Variants in CUL3 observed in about 807,000 individuals in gnomAD.
The protein encoded by CUL3 is cullin-3.
CUL3 carries 19 observed loss-of-function variants against 89.1 expected under a neutral mutation model. The observed-to-expected ratio is 0.21, with a 90% CI of 0.15 to 0.31. The LOEUF (loss-of-function observed/expected upper bound fraction) is 0.31, where lower values mean the gene tolerates loss of function less well. Ranked by LOEUF, CUL3 falls within the 10% of genes least tolerant of loss-of-function variation. The pLI is 1.00. For missense variants in CUL3, 469 were observed against 942.3 expected (o/e 0.50, Z 6.58); for synonymous variants, 351 against 308.4 (o/e 1.14, Z -1.45).
intron 6 of CUL3, 56 bp from the exon 7 acceptor site, chr2:224,507,059 ATC>A: frequency 6.5e-7 from 1 of 1,531,998 alleles, no homozygotes; most frequent in Non-Finnish European, 8.9e-7. Context: ...AAAAACACGA[ATC>A]TCTGTTCACG....
intron 3 of CUL3, among the ~76,000 whole-genome samples, chr2:224,519,138 T>C (rs1301672849): frequency 6.6e-6 from 1 of 152,218 alleles, no homozygotes; most frequent in Non-Finnish European, 1.5e-5. Flanking sequence ...CACAAGTAAA[T>C]TCCACAACTG....
rs1284026173 is a variant in CUL3, at chr2:224,511,554, T to C, written c.683A>G (p.Asn228Ser). 6.3e-7 allele frequency: 1 copy of C among 1,586,094 alleles called. No homozygotes were observed. The highest frequency in any genetic ancestry group is 8.5e-7 in the Non-Finnish European group (1 of 1,169,768). The change falls in exon 6 of 16, where the codon AAT becomes AGT. Residue 228 changes from asparagine (N) to serine (S), a missense_variant. This residue lies in a region of CUL3 where 370 missense variants were observed against 733.2 expected (regional missense o/e 0.50). Transcript: ENST00000264414. Reference sequence around the variant, plus strand: ...TTTCTTTATATATACTGAAGCACTATTTTCTGCTAAAAATTTCTGGCTTTC... The same window carrying C: ...TTTCTTTATATATACTGAAGCACTACTTTCTGCTAAAAATTTCTGGCTTTC... ...QMESQKFLAENSASVYIKKVE... is the reference protein window; with the variant it reads ...QMESQKFLAESSASVYIKKVE...
chr2:224,550,704 T>G (rs1694481084), intron 2 of CUL3, among the ~76,000 whole-genome samples: 1 of 152,200 alleles, frequency 6.6e-6, no homozygotes, highest in Non-Finnish European at 1.5e-5. Flanking sequence ...ACGTTCTTTC[T>G]ACATCCAAAA....
chr2:224,582,328 G>A (rs1406065857), intron 1 of CUL3, among the ~76,000 whole-genome samples: 2 of 152,164 alleles, frequency 1.3e-5, no homozygotes, highest in African/African-American at 4.8e-5. Context: ...CACGCAGTCT[G>A]TAGTTATGAA....
chr2:224,496,051 T>G, intron 12 of CUL3, 85 bp from the exon 13 acceptor site: 13 of 1,420,216 alleles, frequency 9.2e-6, no homozygotes, highest in Non-Finnish European at 1.3e-5. Context: ...ATATGTATGT[T>G]ACAGGGTCTC....
chr2:224,535,382 C>T (rs943395948), intron 3 of CUL3, 146 bp downstream of exon 3: 11 of 495,384 alleles, frequency 2.2e-5, no homozygotes, highest in East Asian at 1.5e-4. Context: ...GCTGGCCAGG[C>T]TGGTCTCAAT....
At chr2:224,500,750 C>T (rs2106190169) in intron 10 of CUL3, among the ~76,000 whole-genome samples, 1 of 151,704 alleles carries the variant, frequency 6.6e-6, no homozygotes, top group Non-Finnish European at 1.5e-5. Flanking sequence ...CTCAGCTTCC[C>T]GAGTAGCTGG....
In CUL3 at chr2:224,505,962, G is replaced by C. The variant is rs775829845; in HGVS notation, c.1200C>G (p.Val400=). The C allele has an allele frequency of 2.5e-6, 4 of 1,581,808 alleles. No individual in the cohort carries two copies. Among genetic ancestry groups the C allele is most frequent in the Non-Finnish European group, 2.6e-6 (3 of 1,162,140 alleles). Residue 400 remains valine, a synonymous_variant, in exon 8 of 16, where the codon GTC becomes GTG. Transcript: ENST00000264414. ...LFIDDKLKKG[V]KGLTEQEVET... is the part of the protein sequence containing the mutation. Reference sequence around the variant, plus strand: ...CAAATGCATTACTACTTACCCCTTTGACTCCCTTTTTCAGCTTATCATCAA... The same window carrying C: ...CAAATGCATTACTACTTACCCCTTTCACTCCCTTTTTCAGCTTATCATCAA...
chr2:224,579,676 T>C (rs942656639), intron 1 of CUL3, among the ~76,000 whole-genome samples: 4 of 152,154 alleles, frequency 2.6e-5, no homozygotes, highest in African/African-American at 9.7e-5. Flanking sequence ...AGTGGGCATT[T>C]TATCATAACA....
At chr2:224,518,416 T>A (rs2106231806) in intron 3 of CUL3, among the ~76,000 whole-genome samples, 1 of 152,328 alleles carries the variant, frequency 6.6e-6, no homozygotes, top group African/African-American at 2.4e-5. Context: ...CTATTACAAA[T>A]AAGGTGGCTA....
intron 1 of CUL3, among the ~76,000 whole-genome samples, chr2:224,567,271 G>A (rs553440352): frequency 1.3e-5 from 2 of 152,316 alleles, no homozygotes; most frequent in East Asian, 1.9e-4. Context: ...AGGCTGGAGT[G>A]CAGAGGTGCA....
intron 13 of CUL3, among the ~76,000 whole-genome samples, chr2:224,491,759 A>C (rs1349155106): frequency 6.6e-6 from 1 of 152,160 alleles, no homozygotes; most frequent in Non-Finnish European, 1.5e-5. Context: ...TGAGTCCCCC[A>C]CTTTTATAAG....
chr2:224,517,212 T>C (rs554415825), intron 3 of CUL3, among the ~76,000 whole-genome samples: 8 of 152,186 alleles, frequency 5.3e-5, no homozygotes, highest in Non-Finnish European at 8.8e-5. Context: ...TTTTAACCAA[T>C]GTGATCAAAA....
rs568288903 is a variant in CUL3 at position 224,525,193 on chromosome 2, A to C, written c.378+10335T>G. 3.9e-5 allele frequency among the ~76,000 whole-genome samples: 6 copies of C among 152,356 alleles called. No homozygotes were observed. In the South Asian group the frequency reaches 6.2e-4, roughly 16 times the overall value. On this transcript the variant is annotated intron_variant, in intron 3 of 15. Transcript: ENST00000264414. ...TTCTGGGTTTATCATAAACTCTACT[A>C]AACAGTCAATTAATGTAATTCTTTT... is the stretch of plus-strand genomic sequence containing the variant.
chr2:224,567,015 C>A (rs1156421971), intron 1 of CUL3, among the ~76,000 whole-genome samples: 1 of 152,102 alleles, frequency 6.6e-6, no homozygotes, highest in Admixed American at 6.5e-5. Flanking sequence ...TTTCTTGTAA[C>A]GTCATGACTT....
intron 2 of CUL3, among the ~76,000 whole-genome samples, chr2:224,551,523 T>G (rs942345538): frequency 1.3e-5 from 2 of 150,672 alleles, no homozygotes; most frequent in African/African-American, 2.5e-5. Flanking sequence ...TTTTTTTTTT[T>G]GTAGAGACAA....
intron 13 of CUL3, among the ~76,000 whole-genome samples, chr2:224,483,373 C>T (rs959566308): frequency 6.6e-6 from 1 of 152,082 alleles, no homozygotes; most frequent in Admixed American, 6.6e-5. Flanking sequence ...GAATTCTTAG[C>T]TGCCTAAGAA....
At chr2:224,567,671 C>A (rs1310412992) in intron 1 of CUL3, among the ~76,000 whole-genome samples, 1 of 151,478 alleles carries the variant, frequency 6.6e-6, no homozygotes, top group African/African-American at 2.4e-5. Context: ...ACCCAGGAGG[C>A]AGAGGTTGCA....
chr2:224,567,440 T>A (rs1695069078), intron 1 of CUL3, among the ~76,000 whole-genome samples: 1 of 152,014 alleles, frequency 6.6e-6, no homozygotes, highest in African/African-American at 2.4e-5. Flanking sequence ...CAGGGTGGTG[T>A]TAAAACTTCT....
Sources: allele counts gnomAD v4.1 joint callset (sites outside exome capture counted in the v4.1 genomes callset), GRCh38; gene constraint gnomAD v4.1.1; regional missense constraint gnomAD v4.1.1; transcripts MANE v1.5; gene names NCBI Gene and HGNC (gene_info 2026-07-23, HGNC 2026-07-21).